PLXNA4: variants seen among roughly 807,000 people sequenced by gnomAD.
The protein encoded by PLXNA4 is plexin A4.
A neutral mutation model predicts 191.8 loss-of-function variants in PLXNA4; 44 were observed. That is an observed-to-expected ratio of 0.23 (90% CI 0.18 to 0.29). PLXNA4 has a LOEUF of 0.29. PLXNA4 is among the 10% of genes least tolerant of loss of function. The pLI is 1.00. For missense variants in PLXNA4, 1,800 were observed against 2,488.8 expected (o/e 0.72, Z 5.89); for synonymous variants, 1,082 against 1,009.5 (o/e 1.07, Z -1.36).
chr7:132,563,113 T>TC (rs1322701942), intron 1 of PLXNA4, among the ~76,000 whole-genome samples: 1 of 88,156 alleles, frequency 1.1e-5, no homozygotes, highest in Non-Finnish European at 2.3e-5. Context: ...CTCCTCTCCC[T>TC]CCTCCTCCTT....
intron 4 of PLXNA4, among the ~76,000 whole-genome samples, chr7:132,254,530 A>G (rs979612449): frequency 2.6e-5 from 4 of 152,200 alleles, no homozygotes; most frequent in Non-Finnish European, 4.4e-5. Flanking sequence ...AGGGAGCAGT[A>G]TTAGGTGACG....
intron 3 of PLXNA4, among the ~76,000 whole-genome samples, chr7:132,425,149 C>T (rs1794995440): frequency 6.6e-6 from 1 of 152,198 alleles, no homozygotes; most frequent in Admixed American, 6.5e-5. Context: ...GAGGCTCAGG[C>T]CATGTCAATC....
At chr7:132,624,868 A>G (rs1803339567) in intron 2 of PLXNA4, among the ~76,000 whole-genome samples, 2 of 152,192 alleles carry the variant, frequency 1.3e-5, no homozygotes, top group African/African-American at 2.4e-5. Context: ...CTGAACAGGA[A>G]GCAAGTGTAC....
chr7:132,417,699 G>A (rs1036596445), intron 3 of PLXNA4, among the ~76,000 whole-genome samples: 13 of 151,452 alleles, frequency 8.6e-5, no homozygotes, highest in African/African-American at 3.2e-4. Flanking sequence ...GAGAGAGAAA[G>A]GGGGAGAGGT....
intron 3 of PLXNA4, chr7:132,367,924 C>G (rs1045924078): frequency 1.3e-5 from 2 of 152,146 alleles, no homozygotes; most frequent in African/African-American, 4.8e-5. Flanking sequence ...GCCCAGGTTC[C>G]CCCAGGTGCC....
chr7:132,161,632 C>A (rs567551531), intron 24 of PLXNA4, among the ~76,000 whole-genome samples: 39 of 152,216 alleles, frequency 2.6e-4, no homozygotes, highest in African/African-American at 9.1e-4. Flanking sequence ...GGGCATCTAG[C>A]GCTCTAGCAG....
Position 132,133,094 on chromosome 7 carries a change from A to C in PLXNA4, c.5544T>G (p.Ser1848Arg). ...RMHMNEFNTMSALSEIFSYVG... is the reference protein window; with the variant it reads ...RMHMNEFNTMRALSEIFSYVG... ...CATAGGAGAAGATCTCTGAGAGTGC[A>C]CTCATGGTGTTGAACTCATTCATGT... The change falls in exon 31 of 32, where the codon AGT (serine) becomes AGG (arginine). Residue 1848 changes from serine to arginine, a missense_variant. Ser to Arg is a moderately radical substitution (Grantham distance 110). Around this residue, in one of 6 missense-constraint regions of PLXNA4, gnomAD observed 83 missense variants for 81.6 expected, o/e 1.02. Coordinates refer to ENST00000321063, the MANE Select transcript of PLXNA4 (RefSeq NM_020911.2). The C allele has an allele frequency of 6.2e-7, 1 of 1,614,086 alleles. No individual in the cohort carries two copies. Among genetic ancestry groups the C allele is most frequent in the Non-Finnish European group, 8.5e-7 (1 of 1,180,006 alleles).
chr7:132,630,775 A>T (rs1370826853), intron 2 of PLXNA4, among the ~76,000 whole-genome samples: 3 of 152,136 alleles, frequency 2.0e-5, no homozygotes, highest in African/African-American at 7.2e-5. Context: ...CCTCCCAAAT[A>T]GCTGGGATTA....
intron 3 of PLXNA4, 43 bp downstream of exon 3, chr7:132,489,249 G>A: frequency 6.5e-7 from 1 of 1,539,352 alleles, no homozygotes; most frequent in Non-Finnish European, 8.9e-7. Flanking sequence ...AGGAGGGACA[G>A]ACTGTCTTCA....
At chr7:132,548,428 G>A (rs1800401574) in intron 1 of PLXNA4, among the ~76,000 whole-genome samples, 1 of 152,140 alleles carries the variant, frequency 6.6e-6, no homozygotes, top group African/African-American at 2.4e-5. Context: ...TGCTTGTGGA[G>A]AGAGCCCAGG....
intron 3 of PLXNA4, among the ~76,000 whole-genome samples, chr7:132,303,720 G>A (rs1801403936): frequency 6.6e-6 from 1 of 152,214 alleles, no homozygotes; most frequent in Non-Finnish European, 1.5e-5. Context: ...CCCACCATGT[G>A]TCTGTTGAAT....
chr7:132,350,205 A>G (rs1170283454), intron 3 of PLXNA4, among the ~76,000 whole-genome samples: 1 of 152,194 alleles, frequency 6.6e-6, no homozygotes. Context: ...GTTCAGATCA[A>G]GAATACATTA....
chr7:132,204,974 G>T (rs1454399191), intron 10 of PLXNA4, among the ~76,000 whole-genome samples: 2 of 152,206 alleles, frequency 1.3e-5, no homozygotes, highest in Non-Finnish European at 2.9e-5. Flanking sequence ...GCCAGGGCCA[G>T]AGAGCTAGGT....
chr7:132,339,742 T>G (rs527740934), intron 3 of PLXNA4, among the ~76,000 whole-genome samples: 1 of 152,308 alleles, frequency 6.6e-6, no homozygotes, highest in South Asian at 2.1e-4. Context: ...TAGGTTAGGA[T>G]GGAATATTCA....
At chr7:132,182,379 G>T (rs1053867484) in intron 16 of PLXNA4, among the ~76,000 whole-genome samples, 189 bp from the exon 17 acceptor site, 2 of 152,164 alleles carry the variant, frequency 1.3e-5, no homozygotes, top group Admixed American at 6.5e-5. Context: ...CAAGGGGAGG[G>T]CAGTAATGAC....
In PLXNA4 at chr7:132,507,946, T is replaced by G; in HGVS notation, c.748A>C (p.Ser250Arg). The change falls in exon 2 of 32, where the codon AGT (serine) becomes CGT (arginine). Residue 250 changes from serine (S) to arginine (R), a missense_variant. Around this residue, in one of 6 missense-constraint regions of PLXNA4, gnomAD observed 1,397 missense variants for 1,880.4 expected, o/e 0.74. Coordinates refer to ENST00000321063, the MANE Select transcript of PLXNA4 (RefSeq NM_020911.2). ...GTCAAAAAGTAGACAAAGTTGCCAC[T>G]GCTAAAACCATAGACATAGTAGATA... Reference protein sequence around the residue: ...FDIYYVYGFSSGNFVYFLTLQ... With the variant: ...FDIYYVYGFSRGNFVYFLTLQ... 1 of 1,614,154 alleles carries G rather than the reference T, an allele frequency of 6.2e-7. No individual in the cohort carries two copies. Among genetic ancestry groups the G allele is most frequent in the Non-Finnish European group, 8.5e-7 (1 of 1,180,036 alleles).
chr7:132,246,550 C>T (rs1256712444), intron 4 of PLXNA4, among the ~76,000 whole-genome samples: 1 of 152,126 alleles, frequency 6.6e-6, no homozygotes, highest in Admixed American at 6.5e-5. Flanking sequence ...CCTGCTGTTG[C>T]TCAAGCTCTC....
chr7:132,295,032 C>G (rs1801026070), intron 4 of PLXNA4, among the ~76,000 whole-genome samples: 1 of 152,204 alleles, frequency 6.6e-6, no homozygotes, highest in Admixed American at 6.5e-5. Context: ...CAGCCCTAGC[C>G]AATGAATATA....
intron 3 of PLXNA4, among the ~76,000 whole-genome samples, chr7:132,364,531 G>A (rs111831754): frequency 5.9e-5 from 9 of 152,288 alleles, no homozygotes; most frequent in South Asian, 2.1e-4. Context: ...CAGCCAGCTC[G>A]ACAGGCTCTT....
Sources: allele counts gnomAD v4.1 joint callset (sites outside exome capture counted in the v4.1 genomes callset), GRCh38; gene constraint gnomAD v4.1.1; regional missense constraint gnomAD v4.1.1; transcripts MANE v1.5; gene names NCBI Gene and HGNC (gene_info 2026-07-23, HGNC 2026-07-21).